ACYP2: variants seen among roughly 807,000 people sequenced by gnomAD.
ACYP2 encodes the protein acylphosphatase-2.
ACYP2 carries 12 observed loss-of-function variants against 11.2 expected under a neutral mutation model. The observed-to-expected ratio is 1.08, with a 90% CI of 0.69 to 1.74. The LOEUF is 1.74. Among genes scored for constraint, ACYP2 ranks in the 40% most tolerant of loss-of-function variants. ACYP2 has a pLI of 0.00. For synonymous variants in ACYP2, 43 were observed against 32.2 expected (o/e 1.33, Z -1.13); for missense variants, 134 against 101.9 (o/e 1.31, Z -1.35).
intron 4 of ACYP2, among the ~76,000 whole-genome samples, chr2:54,101,401 T>G (rs1678884466): frequency 6.6e-6 from 1 of 152,152 alleles, no homozygotes; most frequent in African/African-American, 2.4e-5. Context: ...CCGGGCGCGG[T>G]GGCTCACGCC....
intron 2 of ACYP2, among the ~76,000 whole-genome samples, chr2:54,027,203 G>A (rs1215291836): frequency 6.6e-6 from 1 of 152,166 alleles, no homozygotes; most frequent in Admixed American, 6.5e-5. Flanking sequence ...AGCAGAAGCA[G>A]GAGGGTCTCT....
At chr2:54,069,562 T>C (rs911352412) in intron 4 of ACYP2, among the ~76,000 whole-genome samples, 1 of 152,152 alleles carries the variant, frequency 6.6e-6, no homozygotes, top group Admixed American at 6.5e-5. Context: ...CTCGGGAGGC[T>C]GAGGCAGGAG....
At chr2:54,195,202 C>T (rs146112369) in intron 6 of ACYP2, among the ~76,000 whole-genome samples, 203 of 152,198 alleles carry the variant, frequency 1.3e-3, no homozygotes, top group African/African-American at 4.7e-3. Flanking sequence ...ATAAAAGGGC[C>T]GATTGTTAGA....
intron 4 of ACYP2, among the ~76,000 whole-genome samples, chr2:54,083,227 T>C (rs1677762214): frequency 6.6e-6 from 1 of 152,226 alleles, no homozygotes; most frequent in Non-Finnish European, 1.5e-5. Flanking sequence ...GTTAGTCTGC[T>C]GCCACCCGCC....
intron 6 of ACYP2, among the ~76,000 whole-genome samples, chr2:54,190,612 C>A (rs1684200572): frequency 6.6e-6 from 1 of 152,082 alleles, no homozygotes; most frequent in South Asian, 2.1e-4. Flanking sequence ...TGACAGCCCG[C>A]CCCTCCCAGT....
At chr2:54,250,346 G>C (rs1009837539) in intron 6 of ACYP2, among the ~76,000 whole-genome samples, 1 of 152,016 alleles carries the variant, frequency 6.6e-6, no homozygotes, top group African/African-American at 2.4e-5. Flanking sequence ...GGTGGCGCAC[G>C]CCTGTAATCC....
At chr2:54,245,070 A>G (rs146956907) in intron 6 of ACYP2, among the ~76,000 whole-genome samples, 2,200 of 151,916 alleles carry the variant, frequency 0.014, 22 homozygotes, top group Non-Finnish European at 0.021. Context: ...CTTCTTTTCT[A>G]CTTTTTACTT....
chr2:54,120,567 T>C (rs1377140926), intron 4 of ACYP2, among the ~76,000 whole-genome samples: 2 of 152,228 alleles, frequency 1.3e-5, no homozygotes, highest in Non-Finnish European at 2.9e-5. Context: ...TGACTACTGA[T>C]GACACAGAAT....
intron 4 of ACYP2, chr2:54,080,398 G>C: frequency 6.6e-6 from 1 of 152,144 alleles, no homozygotes; most frequent in Non-Finnish European, 1.5e-5. Context: ...CTCTTCATGA[G>C]ACAATGCTTT....
chr2:54,105,621 C>T (rs189632663), intron 4 of ACYP2, among the ~76,000 whole-genome samples: 45 of 152,050 alleles, frequency 3.0e-4, no homozygotes, highest in South Asian at 8.3e-4. Context: ...TGCAGCCTCC[C>T]GAGTAGCTGG....
intron 2 of ACYP2, among the ~76,000 whole-genome samples, chr2:54,003,358 C>CA (rs1672894587): frequency 1.3e-5 from 2 of 151,996 alleles, no homozygotes; most frequent in South Asian, 4.2e-4. Context: ...CTCCCAAGTT[C>CA]AAGCGATTCT....
chr2:54,216,362 A>G lies in ACYP2; in HGVS notation c.404+77614A>G, dbSNP rs150762008. On this transcript the variant is annotated intron_variant, in intron 6 of 6. Coordinates refer to ENST00000607452, the MANE Select transcript of ACYP2 (RefSeq NM_001320586.2). The stretch of plus-strand genomic sequence containing the variant: ...TCTAACAGCTGATCATCTTCCAGAT[A>G]TGTCTAGAATAATTTGTCAAATTAT... Among the ~76,000 whole-genome samples, 736 of 152,294 alleles carry G rather than the reference A, an allele frequency of 4.8e-3. 12 individuals are homozygous for G. Among genetic ancestry groups the G allele is most frequent in the African/African-American group, 0.017 (700 of 41,558 alleles).
At chr2:54,031,919 T>G (rs7609017) in intron 2 of ACYP2, among the ~76,000 whole-genome samples, 81,089 of 152,102 alleles carry the variant, frequency 0.53, 21,869 homozygotes, top group East Asian at 0.71. Flanking sequence ...CCGCATAAAT[T>G]TCTTCTTTTG....
At chr2:54,262,962 G>A (rs1387419523) in intron 6 of ACYP2, among the ~76,000 whole-genome samples, 2 of 152,160 alleles carry the variant, frequency 1.3e-5, no homozygotes, top group Non-Finnish European at 2.9e-5. Flanking sequence ...GCTCATGCCT[G>A]TGATGCCAGC....
At chr2:54,027,870 C>G (rs1314487113) in intron 2 of ACYP2, among the ~76,000 whole-genome samples, 3 of 125,298 alleles carry the variant, frequency 2.4e-5, no homozygotes, top group Non-Finnish European at 3.2e-5. Flanking sequence ...GACAGAGTCT[C>G]ACACTGTTGT....
chr2:54,150,697 C>A (rs1433507121), intron 6 of ACYP2, among the ~76,000 whole-genome samples: 1 of 150,828 alleles, frequency 6.6e-6, no homozygotes, highest in African/African-American at 2.4e-5. Flanking sequence ...GCTGGGATTG[C>A]GGGTGTGAGC....
chr2:54,051,429 A>G, intron 3 of ACYP2: 1 of 717,182 alleles, frequency 1.4e-6, no homozygotes. Context: ...GAGAAATGAA[A>G]ATCTATATCC....
At chr2:54,023,782 C>A (rs1167428792) in intron 2 of ACYP2, among the ~76,000 whole-genome samples, 2 of 152,022 alleles carry the variant, frequency 1.3e-5, no homozygotes, top group African/African-American at 4.8e-5. Context: ...CAATAACAAG[C>A]AGCGAGATTG....
At chr2:54,017,947 T>C in intron 2 of ACYP2, among the ~76,000 whole-genome samples, 1 of 152,018 alleles carries the variant, frequency 6.6e-6, no homozygotes, top group East Asian at 1.9e-4. Flanking sequence ...TGATCCTGCC[T>C]CCTTGGCCTC....
Sources: gnomAD v4.1 joint callset for allele counts (sites outside exome capture counted in the v4.1 genomes callset) on GRCh38, gnomAD v4.1.1 for gene constraint, MANE v1.5 for transcripts, NCBI Gene and HGNC (gene_info 2026-07-23, HGNC 2026-07-21) for gene names.